ADAMTS6: variants seen among roughly 807,000 people sequenced by gnomAD.
ADAMTS6 encodes A disintegrin and metalloproteinase with thrombospondin motifs 6.
ADAMTS6 carries 23 observed loss-of-function variants against 144.3 expected under a neutral mutation model. The observed-to-expected ratio is 0.16, with a 90% CI of 0.11 to 0.23. The LOEUF is 0.23. Among genes scored for constraint, ADAMTS6 ranks in the 10% least tolerant of loss-of-function variants. The pLI, the probability that ADAMTS6 is intolerant of heterozygous loss-of-function variation, is 1.00. For synonymous variants in ADAMTS6, 444 were observed against 457.5 expected (o/e 0.97, Z 0.38); for missense variants, 999 against 1,379.6 (o/e 0.72, Z 4.37).
intron 11 of ADAMTS6, among the ~76,000 whole-genome samples, chr5:65,288,993 T>G (rs577516956): frequency 4.6e-5 from 7 of 152,350 alleles, no homozygotes; most frequent in African/African-American, 1.7e-4. Flanking sequence ...TGGGAGTGAT[T>G]GTAAAGAATC....
At chr5:65,465,420 C>G (rs1286441088) in intron 3 of ADAMTS6, among the ~76,000 whole-genome samples, 1 of 151,370 alleles carries the variant, frequency 6.6e-6, no homozygotes, top group Non-Finnish European at 1.5e-5. Context: ...TCTCACCTAT[C>G]AAGAACTTCA....
chr5:65,449,575 C>A (rs1758576116), intron 7 of ADAMTS6, among the ~76,000 whole-genome samples: 1 of 152,024 alleles, frequency 6.6e-6, no homozygotes, highest in Non-Finnish European at 1.5e-5. Context: ...GAGCCGAGAT[C>A]ACGCCACTGC....
At chr5:65,208,778 T>A (rs1756294495) in intron 20 of ADAMTS6, among the ~76,000 whole-genome samples, 1 of 152,222 alleles carries the variant, frequency 6.6e-6, no homozygotes, top group Non-Finnish European at 1.5e-5. Context: ...AGATTAGTGA[T>A]ACTATGGTTA....
intron 9 of ADAMTS6, among the ~76,000 whole-genome samples, chr5:65,305,269 C>T (rs1343422927): frequency 6.6e-6 from 1 of 152,112 alleles, no homozygotes; most frequent in African/African-American, 2.4e-5. Context: ...GAAATCATTT[C>T]AAACTTAAAA....
At chr5:65,464,964 T>C (rs1759891054) in intron 3 of ADAMTS6, among the ~76,000 whole-genome samples, 2 of 152,148 alleles carry the variant, frequency 1.3e-5, no homozygotes, top group South Asian at 2.1e-4. Context: ...CCACCTTCAA[T>C]TCCCTTACCT....
At chr5:65,263,747 AG>A (rs1761396704) in intron 12 of ADAMTS6, among the ~76,000 whole-genome samples, 1 of 152,204 alleles carries the variant, frequency 6.6e-6, no homozygotes. Context: ...GCAAAATGAA[AG>A]TCTTTTTTAA....
chr5:65,340,269 C>T (rs1334617955), intron 7 of ADAMTS6, among the ~76,000 whole-genome samples: 2 of 151,808 alleles, frequency 1.3e-5, no homozygotes, highest in African/African-American at 4.8e-5. Context: ...AATAGTATAC[C>T]CAGCAAAGCT....
chr5:65,288,158 A>T (rs1432357825), intron 11 of ADAMTS6, among the ~76,000 whole-genome samples: 2 of 152,186 alleles, frequency 1.3e-5, no homozygotes, highest in Non-Finnish European at 2.9e-5. Flanking sequence ...CTACTCACTA[A>T]GAATTCAGGC....
chr5:65,437,385 C>A (rs1757521681), intron 7 of ADAMTS6, among the ~76,000 whole-genome samples: 1 of 152,078 alleles, frequency 6.6e-6, no homozygotes, highest in South Asian at 2.1e-4. Flanking sequence ...TGAGCCACCA[C>A]ACTCGGCCCC....
Position 65,470,884 on chromosome 5 carries a change from T to C in ADAMTS6, c.356A>G (p.Asp119Gly). Residue 119 changes from aspartate (D) to glycine (G), a missense_variant, in exon 3 of 25, where the codon GAT becomes GGT. Physicochemically the swap from Asp to Gly is moderately conservative, Grantham distance 94. Transcript: ENST00000381055. ...KHFTVEYWGK[D>G]GPQWKHDFLD... ...AAAATCATGTTTCCACTGGGGTCCATCTTTCCCCCAATATTCTACTGTAAA... is the reference window on the plus strand; with the variant it reads ...AAAATCATGTTTCCACTGGGGTCCACCTTTCCCCCAATATTCTACTGTAAA... 3.1e-6 allele frequency: 5 copies of C among 1,610,972 alleles called. No homozygotes were observed. Among genetic ancestry groups the C allele is most frequent in the Non-Finnish European group, 4.2e-6 (5 of 1,179,238 alleles).
chr5:65,262,796 C>T (rs375585583), intron 13 of ADAMTS6, 21 bp downstream of exon 13: 58 of 1,481,686 alleles, frequency 3.9e-5, no homozygotes, highest in Non-Finnish European at 4.8e-5. Flanking sequence ...TTGTTGGCTC[C>T]GGCTTACTTT....
intron 7 of ADAMTS6, among the ~76,000 whole-genome samples, chr5:65,438,164 A>G (rs2047065): frequency 0.61 from 92,611 of 152,082 alleles, 30,026 homozygotes; most frequent in African/African-American, 0.84. Context: ...TCATTTTGCT[A>G]TTCACCTCAA....
intron 7 of ADAMTS6, among the ~76,000 whole-genome samples, chr5:65,346,043 C>T (rs954016368): frequency 6.6e-6 from 1 of 151,878 alleles, no homozygotes; most frequent in Non-Finnish European, 1.5e-5. Flanking sequence ...TCTTCTGCTG[C>T]ATCCAATTTT....
intron 7 of ADAMTS6, among the ~76,000 whole-genome samples, chr5:65,337,504 T>G (rs1399531425): frequency 1.3e-5 from 2 of 152,128 alleles, no homozygotes; most frequent in Non-Finnish European, 2.9e-5. Flanking sequence ...AGCCCCATAT[T>G]TCTTACAAAT....
intron 20 of ADAMTS6, chr5:65,210,262 C>G (rs921448030): frequency 6.3e-6 from 1 of 157,754 alleles, no homozygotes. Context: ...ACCATCCTGG[C>G]TAACACGGTG....
chr5:65,464,250 A>G (rs1759833489), intron 3 of ADAMTS6, among the ~76,000 whole-genome samples: 1 of 152,246 alleles, frequency 6.6e-6, no homozygotes, highest in Admixed American at 6.5e-5. Context: ...TAAATGCAGA[A>G]AAAATATATA....
At chr5:65,360,616 T>C (rs1580488081) in intron 7 of ADAMTS6, among the ~76,000 whole-genome samples, 1 of 150,532 alleles carries the variant, frequency 6.6e-6, no homozygotes, top group African/African-American at 2.4e-5. Context: ...AAGTAGAAAA[T>C]GTAGGTAACT....
At chr5:65,253,812 C>CTTTTTTTTTTTTTT (rs759508097) in intron 14 of ADAMTS6, among the ~76,000 whole-genome samples, 2 of 66,962 alleles carry the variant, frequency 3.0e-5, no homozygotes, top group African/African-American at 6.5e-5. Flanking sequence ...AATATTCAAT[C>CTTTTTTTTTTTTTT]TTTTTTTTTT....
intron 7 of ADAMTS6, among the ~76,000 whole-genome samples, chr5:65,440,136 A>G (rs1377082899): frequency 1.3e-5 from 2 of 152,162 alleles, no homozygotes; most frequent in Non-Finnish European, 2.9e-5. Flanking sequence ...AGAAAGCACA[A>G]ACTGAAGTAT....
Sources: gnomAD v4.1 joint callset for allele counts (sites outside exome capture counted in the v4.1 genomes callset) on GRCh38, gnomAD v4.1.1 for gene constraint, MANE v1.5 for transcripts, NCBI Gene and HGNC (gene_info 2026-07-23, HGNC 2026-07-21) for gene names.